The following TRPC5 variants were observed in gnomAD, a reference collection of about 807,000 sequenced individuals.
The protein encoded by TRPC5 is transient receptor potential cation channel subfamily C member 5.
A neutral mutation model predicts 56.5 loss-of-function variants in TRPC5; 9 were observed. The ratio of observed to expected loss-of-function variants is 0.16; its 90% CI spans 0.10 to 0.28. The LOEUF is 0.28. TRPC5 is among the 10% of genes least tolerant of loss of function. The probability of loss-of-function intolerance (pLI) is 1.00; values close to 1 mark genes in which losing one functional copy is unlikely to be tolerated. For missense variants in TRPC5, 469 were observed against 748.9 expected, an observed-to-expected ratio of 0.63 and a Z score of 4.36; for synonymous variants, 282 against 278.5, an observed-to-expected ratio of 1.01 and a Z score of -0.13.
intron 1 of TRPC5, among the ~76,000 whole-genome samples, chrX:112,000,202 C>T (rs1035206012): frequency 4.5e-5 from 5 of 111,197 alleles, no homozygotes; most frequent in East Asian, 2.8e-4. Flanking sequence ...CAGTTTATTG[C>T]AGTCAATCAG....
intron 3 of TRPC5, among the ~76,000 whole-genome samples, chrX:111,882,759 G>A (rs1052427958): frequency 3.6e-5 from 4 of 112,508 alleles, no homozygotes; most frequent in African/African-American, 1.3e-4. Flanking sequence ...CAGAGTCTAA[G>A]TCTAGTTAAG....
chrX:111,939,223 C>A (rs1279386685), intron 2 of TRPC5, among the ~76,000 whole-genome samples: 1 of 111,840 alleles, frequency 8.9e-6, no homozygotes, highest in Non-Finnish European at 1.9e-5. Context: ...ATATGTTAAA[C>A]CATCCTTGCA....
At chrX:111,969,355 A>G (rs1243834227) in intron 1 of TRPC5, among the ~76,000 whole-genome samples, 1 of 112,274 alleles carries the variant, frequency 8.9e-6, no homozygotes, top group Non-Finnish European at 1.9e-5. Flanking sequence ...CATTCACTTT[A>G]TTGCAGTGGT....
rs1345041643 is a variant in TRPC5, at chrX:111,774,603, C to T, written c.*1710G>A. 1 of 111,001 alleles carries T rather than the reference C, an allele frequency of 9.0e-6. No individual in the cohort carries two copies. Among genetic ancestry groups the T allele is most frequent in the African/African-American group, 3.3e-5 (1 of 30,530 alleles). The allele number at this position is 111,001 out of a possible 1,213,427, so 9.1% of individuals were successfully genotyped here. A position where few individuals can be genotyped will look rare whatever the true frequency, so the allele number is the denominator to read the frequency against. Reference sequence around the variant, plus strand: ...TTTTTCCTGGATATGAGGCTTTATTCTTCAAAACCTCCTCCTATTTCTGGC... The same window carrying T: ...TTTTTCCTGGATATGAGGCTTTATTTTTCAAAACCTCCTCCTATTTCTGGC... On this transcript the variant is annotated 3_prime_UTR_variant, in exon 11 of 11. Transcript: ENST00000262839.
chrX:112,079,821 G>A (rs1930919702), intron 1 of TRPC5, among the ~76,000 whole-genome samples: 1 of 111,281 alleles, frequency 9.0e-6, no homozygotes, highest in Non-Finnish European at 1.9e-5. Flanking sequence ...CAGTGAAGCC[G>A]GGGGCTACAT....
intron 1 of TRPC5, among the ~76,000 whole-genome samples, chrX:111,986,289 G>A (rs761996335): frequency 2.9e-5 from 3 of 103,760 alleles, no homozygotes; most frequent in Admixed American, 1.0e-4. Context: ...AGCCCATATC[G>A]ACAAATTTGG....
chrX:111,904,262 A>C (rs73266318), intron 3 of TRPC5, among the ~76,000 whole-genome samples: 1 of 112,595 alleles, frequency 8.9e-6, no homozygotes, highest in Non-Finnish European at 1.9e-5. Flanking sequence ...AGCCTTTGGC[A>C]TGACATATCT....
chrX:112,043,377 C>A (rs1929944637), intron 1 of TRPC5, among the ~76,000 whole-genome samples: 1 of 111,837 alleles, frequency 8.9e-6, no homozygotes, highest in Admixed American at 9.5e-5. Flanking sequence ...AAAAAGGAGC[C>A]TATCTGTGGC....
At chrX:111,973,921 A>G (rs1476782662) in intron 1 of TRPC5, among the ~76,000 whole-genome samples, 2 of 111,646 alleles carry the variant, frequency 1.8e-5, no homozygotes, top group Non-Finnish European at 3.8e-5. Context: ...TATATATACA[A>G]TATAAGTTGG....
chrX:111,801,178 C>T (rs1174579348), intron 7 of TRPC5, among the ~76,000 whole-genome samples: 4 of 111,808 alleles, frequency 3.6e-5, no homozygotes, highest in African/African-American at 1.3e-4. Flanking sequence ...TATTCTTACA[C>T]CTAGCATAAT....
At chrX:111,799,577 G>A (rs1427088062) in intron 7 of TRPC5, among the ~76,000 whole-genome samples, 1 of 111,160 alleles carries the variant, frequency 9.0e-6, no homozygotes, top group Non-Finnish European at 1.9e-5. Flanking sequence ...TCGATAAAAA[G>A]AACACTGAAA....
At chrX:112,075,664 A>C (rs1930818114) in intron 1 of TRPC5, among the ~76,000 whole-genome samples, 1 of 112,047 alleles carries the variant, frequency 8.9e-6, no homozygotes. Context: ...AGAGGAAGGC[A>C]GAACAGTCAA....
chrX:111,935,557 T>C (rs1926546387), intron 2 of TRPC5, among the ~76,000 whole-genome samples: 4 of 111,952 alleles, frequency 3.6e-5, no homozygotes, highest in African/African-American at 1.3e-4. Flanking sequence ...ACCAATGTCT[T>C]GAAGAGTTTT....
intron 1 of TRPC5, among the ~76,000 whole-genome samples, chrX:112,049,006 A>G (rs1352939218): frequency 8.9e-6 from 1 of 111,981 alleles, no homozygotes; most frequent in Non-Finnish European, 1.9e-5. Context: ...TCATTAAAAG[A>G]AGCACTGGAA....
intron 1 of TRPC5, among the ~76,000 whole-genome samples, chrX:112,009,499 A>G (rs1307618730): frequency 9.0e-6 from 1 of 111,610 alleles, no homozygotes; most frequent in Non-Finnish European, 1.9e-5. Context: ...CTGACTTTGA[A>G]TGTGATAACA....
At chrX:111,778,877 G>T in intron 10 of TRPC5, 108 bp downstream of exon 10, 1 of 506,056 alleles carries the variant, frequency 2.0e-6, no homozygotes, top group Non-Finnish European at 3.2e-6. Flanking sequence ...AACTGGCTTT[G>T]CTATATTGTA....
At chrX:111,899,832 TAAATC>T (rs1676444481) in intron 3 of TRPC5, among the ~76,000 whole-genome samples, 1 of 111,647 alleles carries the variant, frequency 9.0e-6, no homozygotes, top group African/African-American at 3.3e-5. Context: ...GTTTTTCTCT[TAAATC>T]AAACAAACAG....
chrX:112,035,022 T>C (rs1929692321), intron 1 of TRPC5, among the ~76,000 whole-genome samples: 1 of 109,497 alleles, frequency 9.1e-6, no homozygotes, highest in African/African-American at 3.3e-5. Flanking sequence ...TTTGCTTTAT[T>C]CTTCTTTTTC....
At chrX:111,815,199 G>C (rs905455271) in intron 7 of TRPC5, among the ~76,000 whole-genome samples, 6 of 111,347 alleles carry the variant, frequency 5.4e-5, no homozygotes, top group African/African-American at 2.0e-4. Flanking sequence ...CCGGGTGAAT[G>C]TATTAGAATT....
Sources: allele counts gnomAD v4.1 joint callset (sites outside exome capture counted in the v4.1 genomes callset), GRCh38; gene constraint gnomAD v4.1.1; transcripts MANE v1.5; gene names NCBI Gene and HGNC (gene_info 2026-07-23, HGNC 2026-07-21).